ZNF710: variants seen among roughly 807,000 people sequenced by gnomAD.
ZNF710 encodes the protein zinc finger protein 710.
A neutral mutation model predicts 50.6 loss-of-function variants in ZNF710; 13 were observed. The observed-to-expected ratio is 0.26, with a 90% confidence interval of 0.17 to 0.41. The LOEUF (loss-of-function observed/expected upper bound fraction) is 0.41, where lower values mean the gene tolerates loss of function less well. Among genes scored for constraint, ZNF710 ranks in the 10% least tolerant of loss-of-function variants. The pLI is 1.00. For synonymous variants in ZNF710, 383 were observed against 397.0 expected, an observed-to-expected ratio of 0.96 and a Z score of 0.42; for missense variants, 721 against 936.6, an observed-to-expected ratio of 0.77 and a Z score of 3.01.
chr15:90,017,431 G>C (rs992404337), intron 1 of ZNF710, among the ~76,000 whole-genome samples: 1 of 152,120 alleles, frequency 6.6e-6, no homozygotes. Context: ...GTCTTTAAGA[G>C]ATACAAAATC....
At chr15:90,003,367 C>A (rs893891067) in intron 1 of ZNF710, among the ~76,000 whole-genome samples, 2 of 152,160 alleles carry the variant, frequency 1.3e-5, no homozygotes, top group Non-Finnish European at 2.9e-5. Flanking sequence ...GGGAAATTCA[C>A]AAAACTCCCC....
rs549270181 is a variant in ZNF710 at position 90,040,991 on chromosome 15, C to G, written c.-28-26119C>G. Among the ~76,000 whole-genome samples the G allele has an allele frequency of 6.6e-6, 1 of 152,186 alleles. No individual in the cohort carries two copies. Among genetic ancestry groups the G allele is most frequent in the Non-Finnish European group, 1.5e-5 (1 of 68,034 alleles). ...CACTGCTAAACATGGCACTGAACTACGATTACTTCTTTAAAACAAGAGTTC... is the reference window on the plus strand; with the variant it reads ...CACTGCTAAACATGGCACTGAACTAGGATTACTTCTTTAAAACAAGAGTTC... On this transcript the variant is annotated intron_variant, in intron 1 of 4. Coordinates refer to ENST00000268154, the MANE Select transcript of ZNF710 (RefSeq NM_198526.4). The surrounding 1 kb of genome is among the most constrained non-coding windows in gnomAD (Gnocchi z 4.6).
intron 1 of ZNF710, among the ~76,000 whole-genome samples, chr15:90,024,485 A>G (rs564850040): frequency 4.7e-4 from 71 of 152,330 alleles, no homozygotes; most frequent in African/African-American, 1.7e-3. Flanking sequence ...AATGGGTGGC[A>G]GAGAAAGAGA....
chr15:89,999,043 A>C (rs1198192127), upstream of ZNF710, among the ~76,000 whole-genome samples: 1 of 152,114 alleles, frequency 6.6e-6, no homozygotes, highest in Non-Finnish European at 1.5e-5. Context: ...TGCAGTAAAC[A>C]CTTCAACTCT....
At chr15:90,048,621 T>G (rs1323292320) in intron 1 of ZNF710, among the ~76,000 whole-genome samples, 1 of 152,224 alleles carries the variant, frequency 6.6e-6, no homozygotes, top group African/African-American at 2.4e-5. Context: ...AGTGGGTCAT[T>G]CCAGCTGGCA....
chr15:90,048,746 A>C (rs1052040684), intron 1 of ZNF710, among the ~76,000 whole-genome samples: 2 of 152,194 alleles, frequency 1.3e-5, no homozygotes, highest in Non-Finnish European at 2.9e-5. Flanking sequence ...AATTTCAGAA[A>C]AGAGGTAGCA....
chr15:90,041,485 C>A (rs542231006), intron 1 of ZNF710, among the ~76,000 whole-genome samples: 3 of 152,146 alleles, frequency 2.0e-5, no homozygotes, highest in Admixed American at 1.3e-4. Flanking sequence ...AGCCACTGGG[C>A]CTGGCCACCA....
chr15:90,060,723 G>A (rs1005016573), intron 1 of ZNF710, among the ~76,000 whole-genome samples: 2 of 152,100 alleles, frequency 1.3e-5, no homozygotes, highest in African/African-American at 4.8e-5. Flanking sequence ...GAGCATGGTG[G>A]TGGGCGCCTG....
At chr15:90,071,380 A>G (rs1900377826) in intron 2 of ZNF710, among the ~76,000 whole-genome samples, 1 of 152,106 alleles carries the variant, frequency 6.6e-6, no homozygotes, top group Non-Finnish European at 1.5e-5. Context: ...AATTTGTACA[A>G]TGTGCACATC....
intron 2 of ZNF710, among the ~76,000 whole-genome samples, chr15:90,069,849 C>T (rs1252878892): frequency 6.6e-6 from 1 of 152,132 alleles, no homozygotes; most frequent in Non-Finnish European, 1.5e-5. Context: ...CACCAGCCTC[C>T]CCGCTTTTCA....
rs191534025 is a variant in ZNF710, at chr15:90,051,451, T to C, written c.-28-15659T>C. Reference sequence around the variant, plus strand: ...GAGTTCAAGACCAGCCTGGCCAACATGGCAAAACCTGCCTCTACTAAAAAT... The same window carrying C: ...GAGTTCAAGACCAGCCTGGCCAACACGGCAAAACCTGCCTCTACTAAAAAT... On this transcript the variant is annotated intron_variant, in intron 1 of 4. Coordinates refer to ENST00000268154, the MANE Select transcript of ZNF710 (RefSeq NM_198526.4). 8.1e-4 allele frequency among the ~76,000 whole-genome samples: 123 copies of C among 151,944 alleles called. 1 individual carries two copies. In the East Asian group the frequency reaches 0.02, roughly 25 times the overall value.
At chr15:90,036,788 A>G (rs1899140915) in intron 1 of ZNF710, among the ~76,000 whole-genome samples, 1 of 151,758 alleles carries the variant, frequency 6.6e-6, no homozygotes, top group South Asian at 2.1e-4. Flanking sequence ...GGATCGTGTT[A>G]CTTCTGGCTT....
chr15:90,005,325 T>C (rs955999433), intron 1 of ZNF710, among the ~76,000 whole-genome samples: 8 of 152,168 alleles, frequency 5.3e-5, no homozygotes, highest in Non-Finnish European at 1.2e-4. Context: ...TGCAGAGTTG[T>C]GCTGTGAGTC....
rs1042789622 is a variant in ZNF710 at position 90,067,330 on chromosome 15, G to A, written c.193G>A (p.Asp65Asn). The A allele has an allele frequency of 6.2e-6, 10 of 1,603,802 alleles. No homozygotes were observed. The highest frequency in any genetic ancestry group is 1.3e-5 in the African/African-American group (1 of 74,744). ...AMGEPEPPGP[D>N]VYQLACNGRA... ...GGGAGAGCCCGAGCCACCAGGCCCCGACGTCTACCAGCTGGCCTGCAACGG... is the reference window on the plus strand; with the variant it reads ...GGGAGAGCCCGAGCCACCAGGCCCCAACGTCTACCAGCTGGCCTGCAACGG... Residue 65 changes from aspartate to asparagine, a missense_variant, in exon 2 of 5, where the codon GAC (aspartate) becomes AAC (asparagine). Asp to Asn is a conservative substitution (Grantham distance 23). Coordinates refer to ENST00000268154, the MANE Select transcript of ZNF710 (RefSeq NM_198526.4). The surrounding 1 kb of genome is among the most constrained non-coding windows in gnomAD (Gnocchi z 8.1).
At chr15:90,001,075 C>T (rs1897998757), upstream of ZNF710, among the ~76,000 whole-genome samples, 1 of 151,778 alleles carries the variant, frequency 6.6e-6, no homozygotes, top group South Asian at 2.1e-4. Context: ...CAAACAAAAC[C>T]CTTTTAGAGA....
At chr15:90,044,902 C>T (rs1041865073) in intron 1 of ZNF710, among the ~76,000 whole-genome samples, 2 of 152,182 alleles carry the variant, frequency 1.3e-5, no homozygotes, top group African/African-American at 4.8e-5. Context: ...GTGGCCCTGC[C>T]TACTCTTGAG....
intron 1 of ZNF710, among the ~76,000 whole-genome samples, chr15:90,029,832 C>T (rs962605067): frequency 1.2e-4 from 18 of 151,010 alleles, no homozygotes; most frequent in Non-Finnish European, 2.4e-4. Flanking sequence ...CCAGGCTGGT[C>T]TCAAACTCCT....
chr15:90,051,895 C>T (rs1899657071), intron 1 of ZNF710, among the ~76,000 whole-genome samples: 1 of 152,130 alleles, frequency 6.6e-6, no homozygotes, highest in Admixed American at 6.5e-5. Context: ...AACCAAATCC[C>T]AGGGAGGTTG....
intron 1 of ZNF710, among the ~76,000 whole-genome samples, chr15:90,060,167 C>T (rs1042607959): frequency 8.3e-5 from 12 of 145,422 alleles, no homozygotes; most frequent in Admixed American, 4.3e-4. Context: ...ACTGAGCTTA[C>T]GCAAGTCAAC....
Sources: allele counts gnomAD v4.1 joint callset (sites outside exome capture counted in the v4.1 genomes callset), GRCh38; gene constraint gnomAD v4.1.1; non-coding constraint Gnocchi (gnomAD v3.1); transcripts MANE v1.5; gene names NCBI Gene and HGNC (gene_info 2026-07-23, HGNC 2026-07-21).